EDDM3A: variants seen among roughly 807,000 people sequenced by gnomAD.
The protein encoded by EDDM3A is epididymal secretory protein E3-alpha.
For synonymous variants in EDDM3A, 75 were observed against 60.4 expected, an observed-to-expected ratio of 1.24 and a Z score of -1.12; for missense variants, 199 against 177.4, an observed-to-expected ratio of 1.12 and a Z score of -0.69.
chr14:20,745,192 C>G (rs1168734365), upstream of EDDM3A, among the ~76,000 whole-genome samples: 2 of 149,746 alleles, frequency 1.3e-5, no homozygotes, highest in Non-Finnish European at 3.0e-5. Flanking sequence ...TGCGACTGCA[C>G]TCCAGCCTGG....
chr14:20,743,938 T>C (rs1436425873), upstream of EDDM3A, among the ~76,000 whole-genome samples: 2 of 104,398 alleles, frequency 1.9e-5, no homozygotes, highest in African/African-American at 4.1e-5. Context: ...TTGGAGTCCA[T>C]GATTTTTTTT....
At chr14:20,747,523 C>T (rs1423016221) in intron 1 of EDDM3A, 32 bp from the exon 2 acceptor site, 2 of 1,356,082 alleles carry the variant, frequency 1.5e-6, no homozygotes, top group East Asian at 2.3e-5. Context: ...TGAGTATAGT[C>T]TGGTTAATGC....
chr14:20,736,123 T>C, the EDDM3A span, among the ~76,000 whole-genome samples: 1 of 149,322 alleles, frequency 6.7e-6, no homozygotes, highest in Non-Finnish European at 1.5e-5. Context: ...TTTTTTTTTT[T>C]CTTTGAGACA....
chr14:20,738,649 C>T, the EDDM3A span, among the ~76,000 whole-genome samples: 4 of 151,864 alleles, frequency 2.6e-5, no homozygotes, highest in East Asian at 7.7e-4. Context: ...AGCTGGGGCC[C>T]CTATAAGAAA....
upstream of EDDM3A, among the ~76,000 whole-genome samples, chr14:20,741,732 T>A (rs1267823556): frequency 1.3e-5 from 2 of 152,112 alleles, no homozygotes; most frequent in Middle Eastern, 3.2e-3. Context: ...GTAATAAGGA[T>A]CAAAAATGAT....
chr14:20,738,515 GCTC>G, the EDDM3A span, among the ~76,000 whole-genome samples: 1 of 140,114 alleles, frequency 7.1e-6, no homozygotes, highest in Admixed American at 7.1e-5. Flanking sequence ...ATAAACAGTA[GCTC>G]CTCCTCAATG....
chr14:20,742,152 G>A (rs1877453325), upstream of EDDM3A, among the ~76,000 whole-genome samples: 1 of 152,182 alleles, frequency 6.6e-6, no homozygotes, highest in Admixed American at 6.5e-5. Context: ...TGCAGCAACT[G>A]GCTCAGAATT....
chr14:20,741,589 A>T (rs1234227193), upstream of EDDM3A, among the ~76,000 whole-genome samples: 3 of 152,166 alleles, frequency 2.0e-5, no homozygotes. Flanking sequence ...ACTGAACTCC[A>T]TGTGCCAACT....
the EDDM3A span, among the ~76,000 whole-genome samples, chr14:20,739,122 G>T: frequency 2.0e-5 from 3 of 152,080 alleles, no homozygotes; most frequent in Non-Finnish European, 4.4e-5. Context: ...ACCTTGTGGC[G>T]GCATATTCTG....
chr14:20,738,506 T>TAAATAAATAAAC, the EDDM3A span, among the ~76,000 whole-genome samples: 210 of 144,426 alleles, frequency 1.5e-3, no homozygotes, highest in Middle Eastern at 3.6e-3. Context: ...AATAAATAAA[T>TAAATAAATAAAC]AAACAGTAGC....
upstream of EDDM3A, among the ~76,000 whole-genome samples, chr14:20,745,687 T>C (rs1185476653): frequency 1.3e-5 from 2 of 152,188 alleles, no homozygotes; most frequent in Non-Finnish European, 2.9e-5. Flanking sequence ...ACCTAGGGTC[T>C]TGCAATCATT....
upstream of EDDM3A, among the ~76,000 whole-genome samples, chr14:20,744,211 C>T (rs1877517497): frequency 6.6e-6 from 1 of 152,204 alleles, no homozygotes. Context: ...CCCCAAAGAC[C>T]TAGAGAGTAG....
At chr14:20,740,339 C>T in the EDDM3A span, among the ~76,000 whole-genome samples, 1 of 152,242 alleles carries the variant, frequency 6.6e-6, no homozygotes. Flanking sequence ...CTGTAGCAAA[C>T]CTGGAGATTC....
chr14:20,740,818 G>C, the EDDM3A span, among the ~76,000 whole-genome samples: 1 of 152,126 alleles, frequency 6.6e-6, no homozygotes, highest in African/African-American at 2.4e-5. Context: ...CAGGAGGCCA[G>C]GAATGACAAG....
At chr14:20,741,540 CT>C (rs1877434112), upstream of EDDM3A, among the ~76,000 whole-genome samples, 1 of 152,170 alleles carries the variant, frequency 6.6e-6, no homozygotes, top group Non-Finnish European at 1.5e-5. Flanking sequence ...TTAGGACCCC[CT>C]GGGACCCAGG....
At chr14:20,738,386 G>A in the EDDM3A span, among the ~76,000 whole-genome samples, 2 of 151,960 alleles carry the variant, frequency 1.3e-5, no homozygotes, top group African/African-American at 2.4e-5. Flanking sequence ...CAGAATAATC[G>A]CTTGAATTTG....
At chr14:20,742,007 A>G (rs17308541), upstream of EDDM3A, among the ~76,000 whole-genome samples, 16,355 of 152,258 alleles carry the variant, frequency 0.11, 949 homozygotes, top group South Asian at 0.19. Flanking sequence ...CACTTCTTAC[A>G]TATGCCTGAA....
chr14:20,747,381 G>C (rs1291157040), intron 1 of EDDM3A, among the ~76,000 whole-genome samples, 174 bp from the exon 2 acceptor site: 1 of 152,154 alleles, frequency 6.6e-6, no homozygotes, highest in Non-Finnish European at 1.5e-5. Context: ...ACGGGTATAA[G>C]CCACTGTGCC....
rs1161106214 is a variant in EDDM3A, at chr14:20,747,825, A to G, written c.245A>G (p.Asn82Ser). The G allele has an allele frequency of 6.2e-7, 1 of 1,614,186 alleles. No homozygotes were observed. The highest frequency in any genetic ancestry group is 1.3e-5 in the African/African-American group (1 of 75,056). The change falls in exon 2 of 2, where the codon AAT (asparagine) becomes AGT (serine). Residue 82 changes from asparagine to serine, a missense_variant. By Grantham distance (46) the Asn-to-Ser change is conservative (BLOSUM62 1). Transcript: ENST00000326842. ...LWFKIQRACI[N>S]EKGSDRYRNA... is the part of the protein sequence containing the mutation. ...TTCAAAATTCAGCGTGCATGCATCA[A>G]TGAGAAGGGGAGCGACCGATATAGA...
Sources: gnomAD v4.1 joint callset for allele counts (sites outside exome capture counted in the v4.1 genomes callset) on GRCh38, gnomAD v4.1.1 for gene constraint, MANE v1.5 for transcripts, NCBI Gene and HGNC (gene_info 2026-07-23, HGNC 2026-07-21) for gene names.